SLC6A12: variants seen among roughly 807,000 people sequenced by gnomAD.
The protein encoded by SLC6A12 is solute carrier family 6 member 12, also known as sodium- and chloride-dependent betaine transporter.
Under a neutral mutation model 73.3 loss-of-function variants are expected in SLC6A12, and 50 were observed. The ratio of observed to expected loss-of-function variants is 0.68; its 90% confidence interval spans 0.54 to 0.86. The LOEUF (loss-of-function observed/expected upper bound fraction) is 0.86. Among genes scored for constraint, SLC6A12 ranks in the 40% least tolerant of loss-of-function variants. The pLI, the probability that SLC6A12 is intolerant of heterozygous loss-of-function variation, is 0.00. For synonymous variants in SLC6A12, 304 were observed against 309.2 expected (o/e 0.98, Z 0.18); for missense variants, 648 against 772.8 (o/e 0.84, Z 1.92).
At position 192,616 on chromosome 12, in the gene SLC6A12, G is replaced by A. The variant is rs1270684424; in HGVS notation, c.1563C>T (p.Thr521=). Reference sequence around the variant, plus strand: ...CATAGACGTTGTTGTACTTGAGGGGGGTGTACTTGCTCAAGGAGAAGAGGA... The same window carrying A: ...CATAGACGTTGTTGTACTTGAGGGGAGTGTACTTGCTCAAGGAGAAGAGGA... ...ATFLFSLSKY[T]PLKYNNVYVY... Residue 521 remains threonine, a synonymous_variant, in exon 15 of 16, where the codon ACC becomes ACT. Transcript: ENST00000684302. The A allele has an allele frequency of 8.1e-6, 13 of 1,614,136 alleles. No homozygotes were observed. The highest frequency in any genetic ancestry group is 1.1e-5 in the South Asian group (1 of 91,078).
chr12:186,187 A>C (rs1467793246), downstream of SLC6A12, among the ~76,000 whole-genome samples: 1 of 152,088 alleles, frequency 6.6e-6, no homozygotes, highest in Non-Finnish European at 1.5e-5. Context: ...CTGACTCTCA[A>C]AGAGGGTGAC....
At chr12:186,876 A>G (rs1229791273), downstream of SLC6A12, among the ~76,000 whole-genome samples, 1 of 152,158 alleles carries the variant, frequency 6.6e-6, no homozygotes, top group Non-Finnish European at 1.5e-5. Context: ...AGCAGGCTGG[A>G]GCCTGTGGTA....
chr12:209,201 G>A (rs972559635), intron 3 of SLC6A12, among the ~76,000 whole-genome samples: 1 of 152,134 alleles, frequency 6.6e-6, no homozygotes, highest in East Asian at 1.9e-4. Context: ...CGACACTCAT[G>A]CCTTCACTTC....
chr12:212,802 G>A (rs1451213566), intron 1 of SLC6A12, among the ~76,000 whole-genome samples: 4 of 152,160 alleles, frequency 2.6e-5, no homozygotes, highest in African/African-American at 9.7e-5. Context: ...CACCCCCGCT[G>A]TGCCCTTCCA....
chr12:211,603 A>G (rs998757356), intron 2 of SLC6A12, among the ~76,000 whole-genome samples: 3 of 152,200 alleles, frequency 2.0e-5, no homozygotes, highest in African/African-American at 7.2e-5. Context: ...GGATGAAAAA[A>G]TGGGGAGTTG....
downstream of SLC6A12, among the ~76,000 whole-genome samples, chr12:186,790 G>T (rs926312988): frequency 3.9e-5 from 6 of 152,178 alleles, no homozygotes; most frequent in Non-Finnish European, 7.3e-5. Flanking sequence ...TTCTTCGGGA[G>T]AATGTCCAGG....
chr12:208,020 G>A (rs899713504), intron 3 of SLC6A12, among the ~76,000 whole-genome samples: 7 of 152,176 alleles, frequency 4.6e-5, no homozygotes, highest in East Asian at 3.8e-4. Context: ...GTGGGCGCCC[G>A]ACACCGCGGC....
intron 13 of SLC6A12, 99 bp downstream of exon 13, chr12:195,125 AG>A (rs1834614830): frequency 1.3e-6 from 1 of 752,864 alleles, no homozygotes; most frequent in Non-Finnish European, 2.4e-6. Context: ...CACAGAAACC[AG>A]GGGACCAGAG....
chr12:183,896 T>C, the SLC6A12 span, among the ~76,000 whole-genome samples: 2 of 150,966 alleles, frequency 1.3e-5, no homozygotes, highest in Non-Finnish European at 2.9e-5. Context: ...AATTCCAATA[T>C]CATATTAACT....
downstream of SLC6A12, among the ~76,000 whole-genome samples, chr12:187,452 T>C (rs539372122): frequency 8.2e-5 from 12 of 146,642 alleles, no homozygotes; most frequent in Admixed American, 5.4e-4. Context: ...GCGTCTGGAG[T>C]TTTTTTTTCC....
rs1940835662 is a variant in SLC6A12, at chr12:209,953, G to C, written c.34C>G (p.Pro12Ala). 6.2e-7 allele frequency: 1 copy of C among 1,614,110 alleles called. No individual in the cohort carries two copies. The highest frequency in any genetic ancestry group is 2.2e-5 in the East Asian group (1 of 44,876). Residue 12 changes from proline (P) to alanine (A), a missense_variant, in exon 3 of 16, where the codon CCT becomes GCT. By Grantham distance (27) the Pro-to-Ala change is conservative. Transcript: ENST00000684302. ...TCGGGGACCCAGGAGACTGCAGGAG[G>C]CCCACACTCTTGCACTGCCACCTTC... Reference protein sequence around the residue: ...DGKVAVQECGPPAVSWVPEEG... With the variant: ...DGKVAVQECGAPAVSWVPEEG...
chr12:200,531 C>T (rs1940199143), intron 7 of SLC6A12, 120 bp downstream of exon 7: 1 of 1,116,168 alleles, frequency 9.0e-7, no homozygotes, highest in East Asian at 2.4e-5. Flanking sequence ...ATCTCCCCTG[C>T]CCTGCTCAGG....
chr12:196,850 C>T lies in SLC6A12; in HGVS notation c.1108G>A (p.Ala370Thr). The T allele has an allele frequency of 6.2e-7, 1 of 1,613,948 alleles. No homozygotes were observed. The highest frequency in any genetic ancestry group is 8.5e-7 in the Non-Finnish European group (1 of 1,179,908). ...TGGGATAAGGGCATCATAGTCACAG[C>T]CTTGGGGAAGGCGATGAAGGCCAGC... ...PGLAFIAFPK[A>T]VTMMPLSQLW... is the part of the protein sequence containing the mutation. Residue 370 changes from alanine (A) to threonine (T), a missense_variant, in exon 11 of 16, where the codon GCT (alanine) becomes ACT (threonine). By Grantham distance (58) the Ala-to-Thr change is moderately conservative (BLOSUM62 0). Transcript: ENST00000684302.
intron 6 of SLC6A12, 115 bp downstream of exon 6, chr12:201,647 G>C: frequency 1.3e-6 from 1 of 791,602 alleles, no homozygotes; most frequent in Non-Finnish European, 2.2e-6. Context: ...GGGCGGGGGA[G>C]GAAGTGCTGG....
chr12:187,619 A>G (rs1478790293), downstream of SLC6A12, among the ~76,000 whole-genome samples: 1 of 38,522 alleles, frequency 2.6e-5, no homozygotes, highest in African/African-American at 7.3e-5. Context: ...AAAAAAAAAA[A>G]AAAAAAAAAA....
Position 197,437 on chromosome 12 carries a change from A to G in SLC6A12, c.1015T>C (p.Ser339Pro), listed in dbSNP as rs1178505040. The G allele has an allele frequency of 1.9e-6, 3 of 1,613,970 alleles. No individual in the cohort carries two copies. The Admixed American group carries it at 5.0e-5, about 27-fold the overall frequency. ...TCTTGGGACATGAAGCCCAGGATGGAGAAGACAACAAACCCAGCCACAAAG... is the reference window on the plus strand; with the variant it reads ...TCTTGGGACATGAAGCCCAGGATGGGGAAGACAACAAACCCAGCCACAAAG... ...TSFVAGFVVF[S>P]ILGFMSQEQG... The change falls in exon 10 of 16, where the codon TCC becomes CCC. Residue 339 changes from serine to proline, a missense_variant. Transcript: ENST00000684302.
In SLC6A12 at chr12:201,941, AC is replaced by A. The variant is rs1263037294; in HGVS notation, c.491-93del. On this transcript the variant is annotated intron_variant, in intron 5 of 15. Transcript: ENST00000684302. ...CTGGCCTTGCAGCCTAGTGGTCCTC[AC>A]CACTCCTAGCCCCAAGAGCTTCTTT... 3 of 1,068,010 alleles carry A rather than the reference AC, an allele frequency of 2.8e-6. No individual in the cohort carries two copies. The African/African-American group carries it at 4.7e-5, about 17-fold the overall frequency. 66.2% of individuals were successfully genotyped at this position (1,068,010 alleles called of 1,614,324 possible).
intron 7 of SLC6A12, among the ~76,000 whole-genome samples, chr12:200,296 G>C (rs1200222972): frequency 6.6e-6 from 1 of 151,054 alleles, no homozygotes; most frequent in Non-Finnish European, 1.5e-5. Context: ...TTTTAGTAGA[G>C]ACGGGGTTTT....
At chr12:184,763 T>TA in the SLC6A12 span, among the ~76,000 whole-genome samples, 3 of 135,746 alleles carry the variant, frequency 2.2e-5, no homozygotes, top group Non-Finnish European at 5.0e-5. Context: ...AATAAATAAA[T>TA]AAAAAAATAA....
Sources: gnomAD v4.1 joint callset for allele counts (sites outside exome capture counted in the v4.1 genomes callset) on GRCh38, gnomAD v4.1.1 for gene constraint, MANE v1.5 for transcripts, NCBI Gene and HGNC (gene_info 2026-07-23, HGNC 2026-07-21) for gene names.